STK11IP: variants seen among roughly 807,000 people sequenced by gnomAD.
STK11IP encodes serine/threonine kinase 11 interacting protein.
In STK11IP, 103 loss-of-function variants were observed where a neutral mutation model predicts 131.7. The ratio of observed to expected loss-of-function variants is 0.78; its 90% CI spans 0.67 to 0.92. The LOEUF is 0.92. Among genes scored for constraint, STK11IP ranks in the 40% least tolerant of loss-of-function variants. The pLI is 0.00. For missense variants in STK11IP, 1,315 were observed against 1,385.7 expected (o/e 0.95, Z 0.81); for synonymous variants, 557 against 575.6 (o/e 0.97, Z 0.46).
chr2:219,606,264 C>A lies in STK11IP; in HGVS notation c.919C>A (p.Pro307Thr), dbSNP rs1480306856. ...HRAATAQYLS[P>T]RARDAATGFL... is the part of the protein sequence containing the mutation. ...AGCAGCCACTGCCCAGTACTTGTCA[C>A]CCCGGGCCAGGGATGCTGCTACTGG... The change falls in exon 10 of 25, where the codon CCC becomes ACC. Residue 307 changes from proline (P) to threonine (T), a missense_variant. Coordinates refer to ENST00000456909, the MANE Select transcript of STK11IP (RefSeq NM_052902.4). The A allele has an allele frequency of 1.9e-6, 3 of 1,570,892 alleles. No homozygotes were observed. In the East Asian group the frequency reaches 7.1e-5, roughly 37 times the overall value.
Position 219,606,477 on chromosome 2 carries a change from T to A in STK11IP, c.947T>A (p.Phe316Tyr), listed in dbSNP as rs774061715. Reference protein sequence around the residue: ...SPRARDAATGFLLDGKVLSLT... With the variant: ...SPRARDAATGYLLDGKVLSLT... ...CTCCCCCTTTTTGTCTTTGCTCAGT[T>A]CCTTCTCGATGGCAAGGTCTTGTCA... is the stretch of plus-strand genomic sequence containing the variant. The change falls in exon 11 of 25, where the codon TTC becomes TAC. Residue 316 changes from phenylalanine (F) to tyrosine (Y), a missense_variant and splice_region_variant. Coordinates refer to ENST00000456909, the MANE Select transcript of STK11IP (RefSeq NM_052902.4). 6.2e-7 allele frequency: 1 copy of A among 1,611,822 alleles called. No individual in the cohort carries two copies. Among genetic ancestry groups the A allele is most frequent in the Non-Finnish European group, 8.5e-7 (1 of 1,178,868 alleles).
At chr2:219,608,532 A>T (rs1199850446) in intron 14 of STK11IP, 51 bp from the exon 15 acceptor site, 5 of 1,546,134 alleles carry the variant, frequency 3.2e-6, no homozygotes, top group Non-Finnish European at 4.4e-6. Flanking sequence ...GGGAGGGCAG[A>T]GTGTGGGTAC....
Position 219,614,547 on chromosome 2 carries a change from G to A in STK11IP, c.2869+1G>A. On this transcript the variant is annotated splice_donor_variant, in intron 23 of 24. Coordinates refer to ENST00000456909, the MANE Select transcript of STK11IP (RefSeq NM_052902.4). LOFTEE classifies it high-confidence loss of function. Reference sequence around the variant, plus strand: ...TACCTTCGGGCGTTCCTGGTTGAAGGTGAAGCCTCTGTGCAGCTGATGCTT... The same window carrying A: ...TACCTTCGGGCGTTCCTGGTTGAAGATGAAGCCTCTGTGCAGCTGATGCTT... The A allele has an allele frequency of 6.2e-7, 1 of 1,613,814 alleles. No individual in the cohort carries two copies. The highest frequency in any genetic ancestry group is 1.1e-5 in the South Asian group (1 of 91,080).
intron 2 of STK11IP, among the ~76,000 whole-genome samples, 186 bp from the exon 3 acceptor site, chr2:219,601,049 C>CT (rs981035454): frequency 3.9e-5 from 6 of 152,212 alleles, no homozygotes; most frequent in Admixed American, 6.5e-5. Context: ...AATGTTAGGA[C>CT]TTTTTTTGAA....
At chr2:219,597,988 C>G (rs766490959) in intron 1 of STK11IP, 65 bp downstream of exon 1, 2 of 1,596,926 alleles carry the variant, frequency 1.3e-6, no homozygotes, top group Admixed American at 1.8e-5. Flanking sequence ...CCTCTCTTTT[C>G]TTTCTCGCCT....
Position 219,603,973 on chromosome 2 carries a change from A to G in STK11IP, c.618+1197A>G, listed in dbSNP as rs182511238. Among the ~76,000 whole-genome samples, 344 of 152,196 alleles carry G rather than the reference A, an allele frequency of 2.3e-3. 1 individual carries two copies. Among genetic ancestry groups the G allele is most frequent in the Middle Eastern group, 6.8e-3 (2 of 294 alleles). On this transcript the variant is annotated intron_variant, in intron 7 of 24. Transcript: ENST00000456909. ...AGGGGAACTGTGAGGGCTTGAGCAGAGTAAGGGAAGTGGAAATGTACGAAA... is the reference window on the plus strand; with the variant it reads ...AGGGGAACTGTGAGGGCTTGAGCAGGGTAAGGGAAGTGGAAATGTACGAAA...
chr2:219,616,245 C>T lies in STK11IP; in HGVS notation c.*52C>T. On this transcript the variant is annotated 3_prime_UTR_variant, in exon 25 of 25. Coordinates refer to ENST00000456909, the MANE Select transcript of STK11IP (RefSeq NM_052902.4). ...CCTCAGGAGCCACGCTGTAGACATTCCCTCTCCTGGTCTCTGGGTCTGGCT... is the reference window on the plus strand; with the variant it reads ...CCTCAGGAGCCACGCTGTAGACATTTCCTCTCCTGGTCTCTGGGTCTGGCT... 1.9e-6 allele frequency: 3 copies of T among 1,569,348 alleles called. No individual in the cohort carries two copies. Among genetic ancestry groups the T allele is most frequent in the South Asian group, 2.4e-5 (2 of 84,318 alleles).
intron 2 of STK11IP, 64 bp from the exon 3 acceptor site, chr2:219,601,171 C>T (rs1301386473): frequency 7.1e-7 from 1 of 1,400,420 alleles, no homozygotes; most frequent in African/African-American, 1.4e-5. Flanking sequence ...CATCATAGAG[C>T]CTTAGAATAA....
Position 219,606,022 on chromosome 2 carries a change from A to G in STK11IP, c.812A>G (p.Glu271Gly). ...TACAACCTGCTGGAAGGACACCGGG[A>G]GCTGTCACCACTGTGGCTGCTGGCT... ...LAYNLLEGHR[E>G]LSPLWLLAEL... The change falls in exon 9 of 25, where the codon GAG becomes GGG. Residue 271 changes from glutamate to glycine, a missense_variant. Coordinates refer to ENST00000456909, the MANE Select transcript of STK11IP (RefSeq NM_052902.4). 1 of 1,608,628 alleles carries G rather than the reference A, an allele frequency of 6.2e-7. No homozygotes were observed. Among genetic ancestry groups the G allele is most frequent in the Non-Finnish European group, 8.5e-7 (1 of 1,177,644 alleles).
chr2:219,615,376 G>A, intron 24 of STK11IP, 35 bp downstream of exon 24: 1 of 1,577,996 alleles, frequency 6.3e-7, no homozygotes, highest in African/African-American at 1.3e-5. Context: ...AGGGAGGGAG[G>A]GGAGATGGTG....
chr2:219,603,896 C>G (rs1414654587), intron 7 of STK11IP, among the ~76,000 whole-genome samples: 1 of 152,102 alleles, frequency 6.6e-6, no homozygotes, highest in East Asian at 1.9e-4. Context: ...AACGCCACTT[C>G]AATTTGTGCA....
chr2:219,602,384 A>G (rs1698016072), intron 5 of STK11IP, 84 bp from the exon 6 acceptor site: 1 of 1,038,238 alleles, frequency 9.6e-7, no homozygotes, highest in Non-Finnish European at 1.4e-6. Flanking sequence ...TAAAAAATGA[A>G]TGAGTGACTG....
chr2:219,606,848 ATAAGGT>A lies in STK11IP; in HGVS notation c.1131_1134+2del, dbSNP rs766259585. ...GGTGTTGTGACCCAGCCCCTGCTTC[ATAAGGT>A]TAAGGTAAGCAGCGTCCTCCGCTGC... On this transcript the variant is annotated inframe_deletion, in exon 12 of 25. Transcript: ENST00000456909. 4 of 1,611,650 alleles carry A rather than the reference ATAAGGT, an allele frequency of 2.5e-6. No homozygotes were observed. Among genetic ancestry groups the A allele is most frequent in the South Asian group, 1.1e-5 (1 of 90,862 alleles).
Position 219,601,281 on chromosome 2 carries a change from C to T in STK11IP, c.108C>T (p.Pro36=). The T allele has an allele frequency of 1.2e-6, 2 of 1,614,040 alleles. No homozygotes were observed. The highest frequency in any genetic ancestry group is 1.6e-4 in the Middle Eastern group (1 of 6,062). The change falls in exon 3 of 25, where the codon CCC becomes CCT. Residue 36 remains proline, a synonymous_variant. Transcript: ENST00000456909. ...GTAGCACCCTGAGCCTGCTGACTCC[C>T]ACACTGCAACAGCTGAACCACGTAT... ...SGCSTLSLLT[P]TLQQLNHVFE...
At chr2:219,613,619 A>G (rs2106167087) in intron 20 of STK11IP, 133 bp from the exon 21 acceptor site, 2 of 797,660 alleles carry the variant, frequency 2.5e-6, no homozygotes, top group East Asian at 5.9e-5. Context: ...AGATGGAATG[A>G]GGGGGAAGAT....
intron 3 of STK11IP, 22 bp from the exon 4 acceptor site, chr2:219,601,619 T>A: frequency 6.7e-7 from 1 of 1,497,822 alleles, no homozygotes. Context: ...CTCAGTAAAT[T>A]GAGTTTTTTT....
chr2:219,597,940 C>A lies in STK11IP; in HGVS notation c.-27+17C>A. ...GGAGGTTCGGTATGTCTGACCAGGA[C>A]TTATGTTCCTCGAAAGGGCGGCCAG... On this transcript the variant is annotated intron_variant, in intron 1 of 24. Coordinates refer to ENST00000456909, the MANE Select transcript of STK11IP (RefSeq NM_052902.4). 1 of 1,611,856 alleles carries A rather than the reference C, an allele frequency of 6.2e-7. No individual in the cohort carries two copies. The highest frequency in any genetic ancestry group is 1.7e-5 in the Admixed American group (1 of 59,752).
intron 22 of STK11IP, 24 bp downstream of exon 22, chr2:219,614,266 T>G (rs1321192424): frequency 6.2e-7 from 1 of 1,611,302 alleles, no homozygotes; most frequent in African/African-American, 1.3e-5. Flanking sequence ...AGGCAGAGGC[T>G]GGGGTTGCTG....
chr2:219,608,580 C>T lies in STK11IP; in HGVS notation c.1604-3C>T, dbSNP rs369400441. 9.8e-5 allele frequency: 155 copies of T among 1,586,838 alleles called. No homozygotes were observed. The highest frequency in any genetic ancestry group is 1.3e-4 in the Non-Finnish European group (149 of 1,165,154). On this transcript the variant is annotated splice_region_variant and splice_polypyrimidine_tract_variant and intron_variant, in intron 14 of 24. Transcript: ENST00000456909. The stretch of plus-strand genomic sequence containing the variant: ...CAGGCCTTTTCTCTTGGTCTCTCCA[C>T]AGCGGAACTCTGTCGCCCCTTGTTG...
Sources: allele counts gnomAD v4.1 joint callset (sites outside exome capture counted in the v4.1 genomes callset), GRCh38; gene constraint gnomAD v4.1.1; transcripts MANE v1.5; gene names NCBI Gene and HGNC (gene_info 2026-07-23, HGNC 2026-07-21).